The following PRKG1 variants were observed in gnomAD, a reference collection of about 807,000 sequenced individuals.
PRKG1 encodes the protein cGMP-dependent protein kinase 1.
PRKG1 carries 35 observed loss-of-function variants against 88.1 expected under a neutral mutation model. The ratio of observed to expected loss-of-function variants is 0.40; its 90% confidence interval spans 0.30 to 0.53. The LOEUF is 0.53. Ranked by LOEUF, PRKG1 falls within the 20% of genes least tolerant of loss-of-function variation. The probability of loss-of-function intolerance (pLI) is 0.59; values close to 1 mark genes in which losing one functional copy is unlikely to be tolerated. For synonymous variants in PRKG1, 303 were observed against 292.5 expected, an observed-to-expected ratio of 1.04 and a Z score of -0.37; for missense variants, 540 against 839.8, an observed-to-expected ratio of 0.64 and a Z score of 4.41.
At chr10:51,260,230 T>C (rs560634544) in intron 2 of PRKG1, among the ~76,000 whole-genome samples, 3 of 152,320 alleles carry the variant, frequency 2.0e-5, no homozygotes, top group Admixed American at 1.3e-4. Context: ...ATAAAAAATA[T>C]TCCGTGGAAT....
chr10:51,751,854 T>G (rs1199763841), intron 3 of PRKG1, among the ~76,000 whole-genome samples: 1 of 152,134 alleles, frequency 6.6e-6, no homozygotes, highest in African/African-American at 2.4e-5. Flanking sequence ...GTACCTAATC[T>G]AGTGCCTGGC....
At chr10:51,854,362 G>A (rs1242814451) in intron 4 of PRKG1, among the ~76,000 whole-genome samples, 2 of 152,078 alleles carry the variant, frequency 1.3e-5, no homozygotes, top group African/African-American at 4.8e-5. Context: ...TCTCTGTGCA[G>A]TGTTTGGGGA....
intron 3 of PRKG1, among the ~76,000 whole-genome samples, chr10:51,559,610 A>T (rs1837404725): frequency 6.6e-6 from 1 of 152,132 alleles, no homozygotes; most frequent in Non-Finnish European, 1.5e-5. Flanking sequence ...TGGAACAAAC[A>T]CTTTTTTAAT....
At chr10:51,123,556 G>T (rs1845317442) in intron 1 of PRKG1, among the ~76,000 whole-genome samples, 1 of 151,828 alleles carries the variant, frequency 6.6e-6, no homozygotes, top group Admixed American at 6.6e-5. Context: ...CGTGATGGTG[G>T]GTTCCTGTAA....
chr10:51,537,677 A>G (rs1421538015), intron 3 of PRKG1, among the ~76,000 whole-genome samples: 2 of 150,602 alleles, frequency 1.3e-5, no homozygotes, highest in Non-Finnish European at 3.0e-5. Context: ...GCAGTGAGCC[A>G]AGATTGCACC....
chr10:51,194,637 A>T (rs1166446268), intron 2 of PRKG1, among the ~76,000 whole-genome samples: 1 of 152,038 alleles, frequency 6.6e-6, no homozygotes, highest in Non-Finnish European at 1.5e-5. Context: ...TCAGATTGTC[A>T]TATTTTAGTA....
intron 9 of PRKG1, among the ~76,000 whole-genome samples, chr10:52,237,313 G>A (rs1036093564): frequency 2.1e-5 from 3 of 144,808 alleles, no homozygotes; most frequent in African/African-American, 5.4e-5. Context: ...TGGAAGTTAT[G>A]GCCAGGGCAA....
At chr10:52,054,452 T>C (rs750067482) in intron 5 of PRKG1, 32 bp from the exon 6 acceptor site, 2 of 1,559,302 alleles carry the variant, frequency 1.3e-6, no homozygotes, top group Admixed American at 3.3e-5. Context: ...ACTGCTTGCT[T>C]AATTTTTTTT....
chr10:52,099,795 T>C (rs1486895748), intron 7 of PRKG1, among the ~76,000 whole-genome samples: 1 of 152,130 alleles, frequency 6.6e-6, no homozygotes, highest in Non-Finnish European at 1.5e-5. Flanking sequence ...CAGTCCTGAG[T>C]TGACTTCATT....
At chr10:52,238,938 T>TA (rs1386614691) in intron 9 of PRKG1, among the ~76,000 whole-genome samples, 11 of 132,584 alleles carry the variant, frequency 8.3e-5, no homozygotes, top group Non-Finnish European at 1.6e-4. Context: ...CCAACAATGA[T>TA]AGACTGGATT....
chr10:52,043,940 T>G, intron 5 of PRKG1, among the ~76,000 whole-genome samples: 1 of 144,170 alleles, frequency 6.9e-6, no homozygotes, highest in South Asian at 2.2e-4. Flanking sequence ...AACCCAAGCA[T>G]TTGTGGAATT....
chr10:52,056,682 C>A (rs1280158980), intron 6 of PRKG1, among the ~76,000 whole-genome samples: 1 of 152,130 alleles, frequency 6.6e-6, no homozygotes, highest in Non-Finnish European at 1.5e-5. Flanking sequence ...TAAATTTCTA[C>A]TAACTTACTT....
intron 7 of PRKG1, among the ~76,000 whole-genome samples, chr10:52,119,893 A>T (rs1296302299): frequency 6.6e-6 from 1 of 152,092 alleles, no homozygotes; most frequent in Admixed American, 6.5e-5. Context: ...AAGAGAGCAC[A>T]GGCATGAGAG....
chr10:51,521,885 A>G (rs1025125674), intron 3 of PRKG1, among the ~76,000 whole-genome samples: 2 of 152,144 alleles, frequency 1.3e-5, no homozygotes, highest in African/African-American at 4.8e-5. Flanking sequence ...TAAGGCTGTG[A>G]AATCCTTTAG....
intron 5 of PRKG1, among the ~76,000 whole-genome samples, chr10:52,049,276 T>A (rs993422673): frequency 4.6e-5 from 7 of 151,902 alleles, no homozygotes; most frequent in Admixed American, 3.9e-4. Context: ...ATGTCAAAAA[T>A]CTTAAGGAGG....
At chr10:51,413,870 CTGT>C (rs1235521665) in intron 2 of PRKG1, among the ~76,000 whole-genome samples, 4 of 152,186 alleles carry the variant, frequency 2.6e-5, no homozygotes, top group African/African-American at 9.6e-5. Flanking sequence ...TTTGTTGTTG[CTGT>C]TGTTGTTGTT....
chr10:52,226,258 T>A (rs1840386654), intron 9 of PRKG1, among the ~76,000 whole-genome samples: 1 of 152,176 alleles, frequency 6.6e-6, no homozygotes, highest in African/African-American at 2.4e-5. Flanking sequence ...TTTTACCTTG[T>A]CTTAGTTGGT....
At chr10:51,163,895 G>A (rs1258405543) in intron 2 of PRKG1, among the ~76,000 whole-genome samples, 1 of 152,222 alleles carries the variant, frequency 6.6e-6, no homozygotes, top group East Asian at 1.9e-4. Context: ...CAGCTGGGAA[G>A]CTGGAACTGG....
chr10:51,871,755 A>C (rs1212129192), intron 4 of PRKG1, among the ~76,000 whole-genome samples: 1 of 152,192 alleles, frequency 6.6e-6, no homozygotes, highest in African/African-American at 2.4e-5. Flanking sequence ...AGTGCACAGC[A>C]TGTAGGTCCA....
Sources: gnomAD v4.1 joint callset for allele counts (sites outside exome capture counted in the v4.1 genomes callset) on GRCh38, gnomAD v4.1.1 for gene constraint, MANE v1.5 for transcripts, NCBI Gene and HGNC (gene_info 2026-07-23, HGNC 2026-07-21) for gene names.